Variants in FAM171A1 observed in about 807,000 individuals in gnomAD.
The protein encoded by FAM171A1 is protein FAM171A1.
Under a neutral mutation model 74.9 loss-of-function variants are expected in FAM171A1, and 23 were observed. The observed-to-expected ratio is 0.31, with a 90% confidence interval of 0.22 to 0.44. FAM171A1 has a LOEUF of 0.44. Ranked by LOEUF, FAM171A1 falls within the 20% of genes least tolerant of loss-of-function variation. FAM171A1 has a pLI of 1.00. For synonymous variants in FAM171A1, 527 were observed against 505.7 expected, an observed-to-expected ratio of 1.04 and a Z score of -0.57; for missense variants, 1,162 against 1,159.2, an observed-to-expected ratio of 1.00 and a Z score of -0.03.
chr10:15,319,756 C>T (rs1356083509), intron 1 of FAM171A1, among the ~76,000 whole-genome samples: 1 of 152,106 alleles, frequency 6.6e-6, no homozygotes, highest in East Asian at 1.9e-4. Context: ...TGAACCTAGA[C>T]CTTCTCAAAA....
intron 1 of FAM171A1, among the ~76,000 whole-genome samples, chr10:15,301,363 T>TAC (rs386361679): frequency 8.4e-6 from 1 of 119,756 alleles, no homozygotes; most frequent in Non-Finnish European, 1.7e-5. Flanking sequence ...TATATATATA[T>TAC]TTTTTTTTTT....
chr10:15,273,899 C>A (rs1834859844), intron 3 of FAM171A1, among the ~76,000 whole-genome samples: 2 of 152,112 alleles, frequency 1.3e-5, no homozygotes, highest in Non-Finnish European at 2.9e-5. Context: ...ATAATAAGAG[C>A]TATTTATGAC....
At chr10:15,364,985 T>C (rs552208826) in intron 1 of FAM171A1, among the ~76,000 whole-genome samples, 1 of 152,072 alleles carries the variant, frequency 6.6e-6, no homozygotes, top group African/African-American at 2.4e-5. Context: ...TTGGCCACAG[T>C]CTTTAGCCAT....
intron 5 of FAM171A1, among the ~76,000 whole-genome samples, chr10:15,224,707 C>G (rs1277290703): frequency 6.6e-6 from 1 of 152,126 alleles, no homozygotes; most frequent in Non-Finnish European, 1.5e-5. Context: ...GTAAGATGTG[C>G]CTTTTGCCTT....
chr10:15,371,053 C>T lies in FAM171A1; in HGVS notation c.-1G>A, dbSNP rs1156803267. On this transcript the variant is annotated 5_prime_UTR_variant, in exon 1 of 8. Transcript: ENST00000378116. ...GCAGCAGCGTCGCGGACCTGCTCATCTCCGCCGCGGGGCCGGCGGCGGCTC... is the reference window on the plus strand; with the variant it reads ...GCAGCAGCGTCGCGGACCTGCTCATTTCCGCCGCGGGGCCGGCGGCGGCTC... The T allele has an allele frequency of 1.8e-6, 2 of 1,102,798 alleles. No individual in the cohort carries two copies. The highest frequency in any genetic ancestry group is 4.2e-5 in the South Asian group (2 of 47,544). The allele number at this position is 1,102,798 out of a possible 1,614,324, so 68.3% of individuals were successfully genotyped here.
chr10:15,279,356 G>T (rs1453215247), intron 2 of FAM171A1, among the ~76,000 whole-genome samples: 1 of 152,272 alleles, frequency 6.6e-6, no homozygotes, highest in South Asian at 2.1e-4. Context: ...CTTGGCACCA[G>T]CAGGGACTTC....
chr10:15,248,920 C>CAGT, intron 4 of FAM171A1, 105 bp from the exon 5 acceptor site: 1 of 1,051,352 alleles, frequency 9.5e-7, no homozygotes, highest in Non-Finnish European at 1.3e-6. Context: ...CTCCTATATG[C>CAGT]CAGGGACTGC....
At chr10:15,348,303 T>A (rs1588565669) in intron 1 of FAM171A1, among the ~76,000 whole-genome samples, 1 of 150,616 alleles carries the variant, frequency 6.6e-6, no homozygotes, top group South Asian at 2.1e-4. Context: ...CTAGGTAGCC[T>A]TTTTTTTGGT....
intron 1 of FAM171A1, among the ~76,000 whole-genome samples, chr10:15,339,069 G>A (rs925995700): frequency 6.6e-5 from 10 of 152,226 alleles, no homozygotes; most frequent in African/African-American, 1.7e-4. Flanking sequence ...CAGCTGCTAA[G>A]GTTAAGTTTT....
chr10:15,231,457 C>T (rs1834204112), intron 5 of FAM171A1, among the ~76,000 whole-genome samples: 1 of 152,094 alleles, frequency 6.6e-6, no homozygotes. Context: ...CTCCCCTTGC[C>T]TTCTCAAAAT....
chr10:15,370,934 G>A (rs1422700984), intron 1 of FAM171A1, 22 bp downstream of exon 1: 22 of 1,121,862 alleles, frequency 2.0e-5, no homozygotes, highest in Non-Finnish European at 2.2e-5. Context: ...CAAAGCCCCC[G>A]GCCCCGCCGC....
intron 1 of FAM171A1, among the ~76,000 whole-genome samples, chr10:15,338,633 T>G (rs1226695735): frequency 6.6e-6 from 1 of 152,244 alleles, no homozygotes; most frequent in East Asian, 1.9e-4. Flanking sequence ...AACTTGTATT[T>G]TTAGCTAACA....
rs957741244 is a variant in FAM171A1 at position 15,321,938 on chromosome 10, A to G, written c.98-37833T>C. ...ATATTTGTCATGTAGTTGAGAAACAAATAGTAGATACTGTTGCTGACTTTG... is the reference window on the plus strand; with the variant it reads ...ATATTTGTCATGTAGTTGAGAAACAGATAGTAGATACTGTTGCTGACTTTG... On this transcript the variant is annotated intron_variant, in intron 1 of 7. Coordinates refer to ENST00000378116, the MANE Select transcript of FAM171A1 (RefSeq NM_001010924.2). Among the ~76,000 whole-genome samples, 4 of 152,242 alleles carry G rather than the reference A, an allele frequency of 2.6e-5. No individual in the cohort carries two copies. In the East Asian group the frequency reaches 7.7e-4, roughly 29 times the overall value.
At chr10:15,317,243 G>A (rs985625551) in intron 1 of FAM171A1, among the ~76,000 whole-genome samples, 1 of 152,140 alleles carries the variant, frequency 6.6e-6, no homozygotes, top group Non-Finnish European at 1.5e-5. Flanking sequence ...GAGAGAGACA[G>A]GGGTCGCATT....
intron 5 of FAM171A1, chr10:15,240,658 T>G: frequency 3.1e-6 from 3 of 957,296 alleles, no homozygotes; most frequent in Non-Finnish European, 3.7e-6. Flanking sequence ...TTCTCTCTCC[T>G]AAGAGTAAAC....
intron 6 of FAM171A1, among the ~76,000 whole-genome samples, 167 bp downstream of exon 6, chr10:15,220,777 A>C (rs1050472565): frequency 1.3e-5 from 2 of 151,508 alleles, no homozygotes; most frequent in African/African-American, 4.8e-5. Context: ...GAAGTCCCCC[A>C]CCCCCGCAAA....
intron 6 of FAM171A1, among the ~76,000 whole-genome samples, chr10:15,219,550 C>T (rs1834009683): frequency 6.6e-6 from 1 of 152,158 alleles, no homozygotes; most frequent in African/African-American, 2.4e-5. Flanking sequence ...TATATCACTA[C>T]AAAAACAATA....
chr10:15,276,027 A>G (rs1834890070), intron 2 of FAM171A1, 80 bp from the exon 3 acceptor site: 1 of 940,904 alleles, frequency 1.1e-6, no homozygotes, highest in Non-Finnish European at 1.6e-6. Context: ...GATACTCTGC[A>G]GTTTTTGTAT....
intron 5 of FAM171A1, among the ~76,000 whole-genome samples, chr10:15,222,870 C>G (rs900321031): frequency 6.6e-6 from 1 of 152,264 alleles, no homozygotes; most frequent in Non-Finnish European, 1.5e-5. Context: ...GGCTGGATCA[C>G]TGCACCAAAG....
Sources: gnomAD v4.1 joint callset for allele counts (sites outside exome capture counted in the v4.1 genomes callset) on GRCh38, gnomAD v4.1.1 for gene constraint, MANE v1.5 for transcripts, NCBI Gene and HGNC (gene_info 2026-07-23, HGNC 2026-07-21) for gene names.